The following PPP1R13B variants were observed in gnomAD, a reference collection of about 807,000 sequenced individuals.
The protein encoded by PPP1R13B is protein phosphatase 1 regulatory subunit 13B.
A neutral mutation model predicts 119.8 loss-of-function variants in PPP1R13B; 44 were observed. The ratio of observed to expected loss-of-function variants is 0.37; its 90% CI spans 0.29 to 0.47. The LOEUF (loss-of-function observed/expected upper bound fraction) is 0.47. Among genes scored for constraint, PPP1R13B ranks in the 20% least tolerant of loss-of-function variants. PPP1R13B has a pLI of 0.99. For missense variants in PPP1R13B, 1,227 were observed against 1,413.5 expected, an observed-to-expected ratio of 0.87 and a Z score of 2.12; for synonymous variants, 542 against 561.5, an observed-to-expected ratio of 0.97 and a Z score of 0.49.
At chr14:103,839,528 G>T (rs2086855426) in intron 1 of PPP1R13B, among the ~76,000 whole-genome samples, 1 of 151,476 alleles carries the variant, frequency 6.6e-6, no homozygotes, top group South Asian at 2.1e-4. Flanking sequence ...TCGAGAGGCT[G>T]AGTCAGAAGA....
chr14:103,789,900 T>G (rs895780519), intron 2 of PPP1R13B, among the ~76,000 whole-genome samples: 1 of 152,166 alleles, frequency 6.6e-6, no homozygotes, highest in African/African-American at 2.4e-5. Context: ...TGACAGTTTT[T>G]GAAGATGAGG....
At chr14:103,815,349 T>C (rs919194685) in intron 1 of PPP1R13B, among the ~76,000 whole-genome samples, 3 of 152,144 alleles carry the variant, frequency 2.0e-5, no homozygotes, top group Admixed American at 1.3e-4. Flanking sequence ...TAAAACTAGA[T>C]AGTAGTGATG....
chr14:103,805,528 G>C (rs1285794584), intron 1 of PPP1R13B, among the ~76,000 whole-genome samples: 1 of 151,880 alleles, frequency 6.6e-6, no homozygotes, highest in Non-Finnish European at 1.5e-5. Flanking sequence ...CTGTGATCAT[G>C]CCACTGCACT....
chr14:103,846,737 C>T (rs1350382865), intron 1 of PPP1R13B: 1 of 456,208 alleles, frequency 2.2e-6, no homozygotes. Context: ...GTTCAACCTT[C>T]AGAACACGGA....
At chr14:103,741,636 T>C (rs188807465) in intron 11 of PPP1R13B, among the ~76,000 whole-genome samples, 154 bp downstream of exon 11, 19 of 152,286 alleles carry the variant, frequency 1.2e-4, no homozygotes, top group African/African-American at 4.6e-4. Context: ...TCCATTCCCT[T>C]CTCACACTGA....
At chr14:103,745,178 T>C (rs763689569) in intron 9 of PPP1R13B, among the ~76,000 whole-genome samples, 27 of 152,164 alleles carry the variant, frequency 1.8e-4, no homozygotes, top group Non-Finnish European at 3.4e-4. Context: ...GAGTGGGGGC[T>C]TGTGGCTCAC....
At chr14:103,837,553 G>C (rs931819635) in intron 1 of PPP1R13B, among the ~76,000 whole-genome samples, 2 of 151,518 alleles carry the variant, frequency 1.3e-5, no homozygotes, top group Non-Finnish European at 2.9e-5. Flanking sequence ...ACTTACATGT[G>C]CATGCACGCA....
In PPP1R13B at chr14:103,786,790, G is replaced by GAAAAAAAAA. The variant is rs1249753893; in HGVS notation, c.158-1877_158-1876insTTTTTTTTT. Reference sequence around the variant, plus strand: ...TCAAAAAAAAAAAAAAAAAAAAAAGGCTGGTCATGGTGGTGCACGCCTGTG... The same window carrying GAAAAAAAAA: ...TCAAAAAAAAAAAAAAAAAAAAAAGGAAAAAAAAACTGGTCATGGTGGTGCACGCCTGTG... On this transcript the variant is annotated intron_variant, in intron 2 of 16. Coordinates refer to ENST00000202556, the MANE Select transcript of PPP1R13B (RefSeq NM_015316.3). Among the ~76,000 whole-genome samples the GAAAAAAAAA allele has an allele frequency of 1.1e-4, 8 of 70,750 alleles. 1 individual carries two copies. Among genetic ancestry groups the GAAAAAAAAA allele is most frequent in the Admixed American group, 4.7e-4 (4 of 8,556 alleles). The allele number at this position is 70,750 out of a possible 152,430, so 46.4% of individuals were successfully genotyped here.
chr14:103,813,626 C>T (rs538279092), intron 1 of PPP1R13B, among the ~76,000 whole-genome samples: 73 of 152,320 alleles, frequency 4.8e-4, no homozygotes, highest in African/African-American at 1.5e-3. Flanking sequence ...CTCCCAGGCA[C>T]GCAGAACTGT....
chr14:103,839,050 G>A (rs1460545060), intron 1 of PPP1R13B, among the ~76,000 whole-genome samples: 1 of 152,036 alleles, frequency 6.6e-6, no homozygotes, highest in Non-Finnish European at 1.5e-5. Context: ...AGGCTGGAGA[G>A]CAGTGGTGCA....
In PPP1R13B at chr14:103,742,025, C is replaced by G; in HGVS notation, c.1587G>C (p.Thr529=). Residue 529 remains threonine, a synonymous_variant, in exon 11 of 17, where the codon ACG becomes ACC. Coordinates refer to ENST00000202556, the MANE Select transcript of PPP1R13B (RefSeq NM_015316.3). The surrounding 1 kb of genome is among the most constrained non-coding windows in gnomAD (Gnocchi z 4.9). ...QQRISVPPSP[T]YPPAGPPAFP... ...ATGCAGGTGGTCCCGCTGGCGGGTACGTGGGACTTGGCGGTACGGAAATCC... is the reference window on the plus strand; with the variant it reads ...ATGCAGGTGGTCCCGCTGGCGGGTAGGTGGGACTTGGCGGTACGGAAATCC... 6.2e-7 allele frequency: 1 copy of G among 1,614,226 alleles called. No homozygotes were observed. The highest frequency in any genetic ancestry group is 8.5e-7 in the Non-Finnish European group (1 of 1,180,056).
intron 1 of PPP1R13B, among the ~76,000 whole-genome samples, chr14:103,843,002 G>GC (rs1242702918): frequency 6.6e-6 from 1 of 151,918 alleles, no homozygotes; most frequent in Non-Finnish European, 1.5e-5. Context: ...AGTATCTTAA[G>GC]CAACATTCCC....
intron 3 of PPP1R13B, among the ~76,000 whole-genome samples, chr14:103,784,452 G>A (rs2085403475): frequency 6.6e-6 from 1 of 151,568 alleles, no homozygotes; most frequent in Non-Finnish European, 1.5e-5. Flanking sequence ...GTGTGGTGGT[G>A]CACACCTGTA....
chr14:103,764,646 T>C (rs996593733), intron 4 of PPP1R13B, among the ~76,000 whole-genome samples: 2 of 152,214 alleles, frequency 1.3e-5, no homozygotes, highest in African/African-American at 4.8e-5. Flanking sequence ...TTCAGATTTG[T>C]CTATATGTGT....
At chr14:103,771,834 T>C (rs1176547753) in intron 4 of PPP1R13B, among the ~76,000 whole-genome samples, 1 of 152,214 alleles carries the variant, frequency 6.6e-6, no homozygotes, top group Non-Finnish European at 1.5e-5. Flanking sequence ...TTTACTGAGG[T>C]ATAATTCACA....
upstream of PPP1R13B, chr14:103,848,206 C>T: frequency 1.0e-6 from 1 of 978,216 alleles, no homozygotes; most frequent in Non-Finnish European, 1.2e-6. Flanking sequence ...AGCTCCCGAG[C>T]CTTGGCCTTC....
chr14:103,804,140 AC>A, intron 1 of PPP1R13B: 1 of 769,128 alleles, frequency 1.3e-6, no homozygotes, highest in South Asian at 5.9e-5. Flanking sequence ...GACCATAAGG[AC>A]AATACTTGTG....
chr14:103,785,658 C>G (rs1365195192), intron 2 of PPP1R13B, among the ~76,000 whole-genome samples: 1 of 151,544 alleles, frequency 6.6e-6, no homozygotes, highest in Non-Finnish European at 1.5e-5. Context: ...ATTACAGGTG[C>G]CCACCACCAT....
intron 1 of PPP1R13B, among the ~76,000 whole-genome samples, chr14:103,834,926 T>G (rs2086740284): frequency 6.6e-6 from 1 of 151,996 alleles, no homozygotes; most frequent in Non-Finnish European, 1.5e-5. Flanking sequence ...AACTATTCTC[T>G]CTCTGTCCAT....
Sources: allele counts gnomAD v4.1 joint callset (sites outside exome capture counted in the v4.1 genomes callset), GRCh38; gene constraint gnomAD v4.1.1; non-coding constraint Gnocchi (gnomAD v3.1); transcripts MANE v1.5; gene names NCBI Gene and HGNC (gene_info 2026-07-23, HGNC 2026-07-21).